ELMO1: variants seen among roughly 807,000 people sequenced by gnomAD.
ELMO1 encodes engulfment and cell motility protein 1.
In ELMO1, 26 loss-of-function variants were observed where a neutral mutation model predicts 98.9. The observed-to-expected ratio is 0.26, with a 90% CI of 0.19 to 0.36. ELMO1 has a LOEUF of 0.36. Among genes scored for constraint, ELMO1 ranks in the 10% least tolerant of loss-of-function variants. The pLI is 1.00. For missense variants in ELMO1, 627 were observed against 935.2 expected (o/e 0.67, Z 4.30); for synonymous variants, 346 against 346.0 (o/e 1.00, Z 0.00).
At chr7:37,013,633 A>G in intron 15 of ELMO1, 198 bp from the exon 16 acceptor site, 1 of 584,342 alleles carries the variant, frequency 1.7e-6, no homozygotes, top group South Asian at 2.1e-5. Context: ...AGATAGTCAG[A>G]CCTAGCCTTA....
At position 36,944,798 on chromosome 7, in the gene ELMO1, C is replaced by T. The variant is rs76281597; in HGVS notation, c.1438-49781G>A. Among the ~76,000 whole-genome samples, 600 of 152,272 alleles carry T rather than the reference C, an allele frequency of 3.9e-3. 4 individuals are homozygous for T. Among genetic ancestry groups the T allele is most frequent in the African/African-American group, 0.014 (577 of 41,558 alleles). ...CTTAGTGAAAACATAGGCCCTCATA[C>T]ATGGAGACAAGATTTGGGAGAAAAG... is the stretch of plus-strand genomic sequence containing the variant. On this transcript the variant is annotated intron_variant, in intron 16 of 21. Transcript: ENST00000310758.
At chr7:37,135,199 CA>C (rs1787188493) in intron 13 of ELMO1, among the ~76,000 whole-genome samples, 1 of 152,130 alleles carries the variant, frequency 6.6e-6, no homozygotes, top group Admixed American at 6.5e-5. Flanking sequence ...TTACTGAAAA[CA>C]ATGACCAGGA....
chr7:36,861,551 T>G, intron 21 of ELMO1, 108 bp downstream of exon 21: 1 of 1,298,330 alleles, frequency 7.7e-7, no homozygotes, highest in Non-Finnish European at 1.1e-6. Flanking sequence ...GCCCCTTGGT[T>G]CATCATTTTT....
At chr7:37,385,118 C>T (rs891382795) in intron 1 of ELMO1, among the ~76,000 whole-genome samples, 2 of 152,232 alleles carry the variant, frequency 1.3e-5, no homozygotes, top group Non-Finnish European at 2.9e-5. Context: ...TGGACAGTGC[C>T]GAAAAGTCCA....
At chr7:37,443,079 G>A (rs894516897) in intron 1 of ELMO1, among the ~76,000 whole-genome samples, 3 of 152,166 alleles carry the variant, frequency 2.0e-5, no homozygotes, top group Admixed American at 6.5e-5. Flanking sequence ...GAGGAAGGGT[G>A]TGTCAGGCCA....
intron 13 of ELMO1, among the ~76,000 whole-genome samples, chr7:37,191,302 G>A (rs35682279): frequency 0.2 from 29,525 of 151,160 alleles, 3,457 homozygotes; most frequent in African/African-American, 0.33. Flanking sequence ...TTATGTAAAT[G>A]ATTCTGATTA....
At chr7:37,289,143 T>C (rs975372049) in intron 4 of ELMO1, among the ~76,000 whole-genome samples, 1 of 152,208 alleles carries the variant, frequency 6.6e-6, no homozygotes, top group Non-Finnish European at 1.5e-5. Flanking sequence ...GTTCATCAAA[T>C]GCTTTTTGAG....
chr7:36,938,385 A>C (rs1786731374), intron 16 of ELMO1, among the ~76,000 whole-genome samples: 1 of 152,226 alleles, frequency 6.6e-6, no homozygotes, highest in Non-Finnish European at 1.5e-5. Context: ...AAACTGGAAG[A>C]GATTGTACTT....
intron 4 of ELMO1, among the ~76,000 whole-genome samples, chr7:37,296,292 G>A (rs1479107543): frequency 6.6e-6 from 1 of 152,012 alleles, no homozygotes; most frequent in Non-Finnish European, 1.5e-5. Context: ...CTGGCTGTTG[G>A]CCAGGGACCC....
At chr7:36,946,595 G>C (rs1419247634) in intron 16 of ELMO1, among the ~76,000 whole-genome samples, 1 of 152,180 alleles carries the variant, frequency 6.6e-6, no homozygotes, top group South Asian at 2.1e-4. Context: ...TGTTATCTGT[G>C]GTAAGGATGA....
chr7:37,304,446 C>T (rs188684355), intron 4 of ELMO1, among the ~76,000 whole-genome samples: 3 of 152,208 alleles, frequency 2.0e-5, no homozygotes, highest in Admixed American at 6.5e-5. Flanking sequence ...CTGGGCACGG[C>T]GGCTCACGCC....
At chr7:37,093,532 C>T (rs915933895) in intron 15 of ELMO1, among the ~76,000 whole-genome samples, 11 of 152,148 alleles carry the variant, frequency 7.2e-5, no homozygotes, top group African/African-American at 2.7e-4. Context: ...TAATCACATA[C>T]AAACCAAGTG....
intron 16 of ELMO1, among the ~76,000 whole-genome samples, chr7:36,897,448 A>T (rs1806130883): frequency 6.6e-6 from 1 of 151,354 alleles, no homozygotes; most frequent in South Asian, 2.1e-4. Flanking sequence ...TTTTTTTGTA[A>T]GATGGCTTGG....
At position 37,447,900 on chromosome 7, in the gene ELMO1, C is replaced by T. The variant is rs561144652; in HGVS notation, c.-74+775G>A. ...CTCTCCGCTCCGATTCCCGGGCCCC[C>T]TGGCATGCCGCCGCCCCCTTCTCTG... On this transcript the variant is annotated intron_variant, in intron 1 of 21. Transcript: ENST00000310758. Among the ~76,000 whole-genome samples, 337 of 151,876 alleles carry T rather than the reference C, an allele frequency of 2.2e-3. 3 individuals carry two copies. Among genetic ancestry groups the T allele is most frequent in the African/African-American group, 6.4e-3 (266 of 41,430 alleles).
At chr7:37,069,076 C>G (rs548565157) in intron 15 of ELMO1, among the ~76,000 whole-genome samples, 2 of 152,200 alleles carry the variant, frequency 1.3e-5, no homozygotes, top group African/African-American at 4.8e-5. Context: ...CTCCTTCATT[C>G]CTCTAAGATT....
chr7:36,890,593 C>G (rs1354554402), intron 17 of ELMO1, among the ~76,000 whole-genome samples: 1 of 152,184 alleles, frequency 6.6e-6, no homozygotes, highest in East Asian at 1.9e-4. Flanking sequence ...CCTAATCAAT[C>G]AGGAAATACC....
chr7:37,192,409 C>T (rs150138362), intron 13 of ELMO1, among the ~76,000 whole-genome samples: 1,736 of 149,442 alleles, frequency 0.012, 40 homozygotes, highest in African/African-American at 0.041. Flanking sequence ...GCAGTAGAAT[C>T]GCTTGAACCC....
intron 1 of ELMO1, among the ~76,000 whole-genome samples, chr7:37,372,853 A>G (rs1802170462): frequency 6.6e-6 from 1 of 152,044 alleles, no homozygotes; most frequent in African/African-American, 2.4e-5. Context: ...ACCATTATCT[A>G]TTTTTCCAAC....
intron 15 of ELMO1, among the ~76,000 whole-genome samples, chr7:37,093,030 T>C (rs932733007): frequency 2.0e-5 from 3 of 152,078 alleles, no homozygotes; most frequent in Non-Finnish European, 4.4e-5. Context: ...TTGCTCTTGA[T>C]TAACTCCTGA....
Sources: allele counts gnomAD v4.1 joint callset (sites outside exome capture counted in the v4.1 genomes callset), GRCh38; gene constraint gnomAD v4.1.1; transcripts MANE v1.5; gene names NCBI Gene and HGNC (gene_info 2026-07-23, HGNC 2026-07-21).